FER: variants seen among roughly 807,000 people sequenced by gnomAD.
FER encodes tyrosine-protein kinase Fer.
A neutral mutation model predicts 111.0 loss-of-function variants in FER; 63 were observed. That is an observed-to-expected ratio of 0.57 (90% confidence interval 0.46 to 0.70). The LOEUF (loss-of-function observed/expected upper bound fraction) is 0.70. Among genes scored for constraint, FER ranks in the 30% least tolerant of loss-of-function variants. FER has a pLI of 0.00. For missense variants in FER, 914 were observed against 954.0 expected (o/e 0.96, Z 0.55); for synonymous variants, 327 against 313.9 (o/e 1.04, Z -0.44).
chr5:109,053,362 G>A (rs960619424), intron 16 of FER, among the ~76,000 whole-genome samples: 12 of 125,088 alleles, frequency 9.6e-5, no homozygotes, highest in African/African-American at 1.2e-4. Flanking sequence ...CAGCCTCAGC[G>A]AAAGAGTGAG....
intron 8 of FER, among the ~76,000 whole-genome samples, chr5:108,878,455 T>C (rs1378762089): frequency 1.3e-5 from 2 of 152,196 alleles, no homozygotes; most frequent in African/African-American, 4.8e-5. Flanking sequence ...GTAGGAATTA[T>C]TTTATGCATA....
At chr5:109,165,081 G>T (rs1756393504) in intron 17 of FER, among the ~76,000 whole-genome samples, 1 of 152,130 alleles carries the variant, frequency 6.6e-6, no homozygotes. Flanking sequence ...GAACATAAAA[G>T]TTCCATGAGG....
At position 109,002,282 on chromosome 5, in the gene FER, C is replaced by T. The variant is rs553697545; in HGVS notation, c.1657-35140C>T. Reference sequence around the variant, plus strand: ...ACTGGTACCAAAGCGGAGATATAGACCAATGGAACAGAACAGAGCCCTCAG... The same window carrying T: ...ACTGGTACCAAAGCGGAGATATAGATCAATGGAACAGAACAGAGCCCTCAG... On this transcript the variant is annotated intron_variant, in intron 13 of 19. Coordinates refer to ENST00000281092, the MANE Select transcript of FER (RefSeq NM_005246.4). Among the ~76,000 whole-genome samples, 5 of 151,936 alleles carry T rather than the reference C, an allele frequency of 3.3e-5. No individual in the cohort carries two copies. In the East Asian group the frequency reaches 7.7e-4, roughly 24 times the overall value.
chr5:108,910,457 CT>C (rs199808437), intron 10 of FER, among the ~76,000 whole-genome samples: 1 of 151,934 alleles, frequency 6.6e-6, no homozygotes, highest in African/African-American at 2.4e-5. Flanking sequence ...AAGGCTTTTA[CT>C]TTTTTTAAAA....
At chr5:109,051,636 A>G in intron 16 of FER, 1 of 1,584,844 alleles carries the variant, frequency 6.3e-7, no homozygotes, top group Admixed American at 1.7e-5. Flanking sequence ...AGAGGGGAGC[A>G]GTTGGTGAGG....
rs868195117 is a variant in FER at position 109,190,729 on chromosome 5, G to T, written c.*3154G>T. The T allele has an allele frequency of 7.2e-5, 11 of 152,140 alleles. No homozygotes were observed. Among genetic ancestry groups the T allele is most frequent in the Non-Finnish European group, 1.3e-4 (9 of 67,984 alleles). 9.4% of individuals were successfully genotyped at this position (152,140 alleles called of 1,614,324 possible). A position where few individuals can be genotyped will look rare whatever the true frequency, so the allele number is the denominator to read the frequency against. Reference sequence around the variant, plus strand: ...AGAGGTCTCCAGTGAAAGGTCTCATGTAATTGTTTCTCTTTTATCTCCCAA... The same window carrying T: ...AGAGGTCTCCAGTGAAAGGTCTCATTTAATTGTTTCTCTTTTATCTCCCAA... On this transcript the variant is annotated 3_prime_UTR_variant, in exon 20 of 20. Coordinates refer to ENST00000281092, the MANE Select transcript of FER (RefSeq NM_005246.4).
intron 17 of FER, among the ~76,000 whole-genome samples, chr5:109,150,168 C>T (rs1253637469): frequency 6.6e-6 from 1 of 152,140 alleles, no homozygotes; most frequent in East Asian, 1.9e-4. Context: ...TTAGACTGAG[C>T]ATCTATTTGA....
chr5:108,990,457 T>C (rs2149744603), intron 13 of FER, among the ~76,000 whole-genome samples: 1 of 151,956 alleles, frequency 6.6e-6, no homozygotes, highest in Non-Finnish European at 1.5e-5. Context: ...TATGCATGTG[T>C]ATGTATGTAG....
At chr5:109,026,700 T>TTTG (rs565350814) in intron 13 of FER, among the ~76,000 whole-genome samples, 10 of 152,028 alleles carry the variant, frequency 6.6e-5, no homozygotes, top group African/African-American at 2.2e-4. Flanking sequence ...TTCTTTCTTT[T>TTTG]TTGTTGTTGT....
chr5:109,078,409 ATGTC>A (rs1460941465), intron 16 of FER, among the ~76,000 whole-genome samples: 2 of 152,220 alleles, frequency 1.3e-5, no homozygotes, highest in Non-Finnish European at 2.9e-5. Context: ...AGGTAGCTCC[ATGTC>A]TGGGTGATGT....
chr5:109,153,803 C>T (rs981373612), intron 17 of FER, among the ~76,000 whole-genome samples: 1 of 151,764 alleles, frequency 6.6e-6, no homozygotes, highest in Admixed American at 6.6e-5. Flanking sequence ...CTCTAGAGTC[C>T]TTGTATTTAA....
At chr5:108,998,183 GAAA>G (rs915109794) in intron 13 of FER, among the ~76,000 whole-genome samples, 3 of 71,408 alleles carry the variant, frequency 4.2e-5, no homozygotes, top group Non-Finnish European at 2.8e-5. Context: ...ACCGGGGTAT[GAAA>G]AAAAAAAAAA....
chr5:109,118,614 C>T (rs1750571608), intron 17 of FER, among the ~76,000 whole-genome samples: 1 of 152,134 alleles, frequency 6.6e-6, no homozygotes, highest in African/African-American at 2.4e-5. Flanking sequence ...TGGTAGAACT[C>T]AGCTGTGAAT....
intron 16 of FER, among the ~76,000 whole-genome samples, chr5:109,096,051 A>C (rs1479376079): frequency 6.6e-6 from 1 of 152,052 alleles, no homozygotes; most frequent in Non-Finnish European, 1.5e-5. Context: ...CTTCTCTCCA[A>C]TTACAAATTA....
At chr5:108,906,390 G>T (rs1206023309) in intron 10 of FER, among the ~76,000 whole-genome samples, 2 of 151,988 alleles carry the variant, frequency 1.3e-5, no homozygotes, top group African/African-American at 2.4e-5. Flanking sequence ...AAGCATGTTT[G>T]TGATCTACTC....
At chr5:109,086,151 C>A (rs931365121) in intron 16 of FER, among the ~76,000 whole-genome samples, 4 of 151,624 alleles carry the variant, frequency 2.6e-5, no homozygotes, top group African/African-American at 9.7e-5. Context: ...CCAATGAAGC[C>A]ATCTGGACCT....
intron 18 of FER, among the ~76,000 whole-genome samples, chr5:109,181,912 C>T (rs951368175): frequency 5.3e-5 from 8 of 152,268 alleles, no homozygotes; most frequent in South Asian, 2.1e-4. Flanking sequence ...CCCATTCTTC[C>T]GTTCCGTTGT....
chr5:109,153,127 A>G (rs1186833855), intron 17 of FER, among the ~76,000 whole-genome samples: 1 of 151,764 alleles, frequency 6.6e-6, no homozygotes, highest in East Asian at 1.9e-4. Context: ...AGCCCTTTTT[A>G]TGATCTCATG....
chr5:109,123,806 C>A (rs1009783992), intron 17 of FER, among the ~76,000 whole-genome samples: 1 of 152,142 alleles, frequency 6.6e-6, no homozygotes, highest in African/African-American at 2.4e-5. Context: ...ACATTTTGAT[C>A]ATTGCTCCTT....
Sources: allele counts gnomAD v4.1 joint callset (sites outside exome capture counted in the v4.1 genomes callset), GRCh38; gene constraint gnomAD v4.1.1; transcripts MANE v1.5; gene names NCBI Gene and HGNC (gene_info 2026-07-23, HGNC 2026-07-21).